TCERG1: variants seen among roughly 807,000 people sequenced by gnomAD.
TCERG1 encodes transcription elongation regulator 1.
In TCERG1, 37 loss-of-function variants were observed where a neutral mutation model predicts 144.7. The ratio of observed to expected loss-of-function variants is 0.26; its 90% CI spans 0.20 to 0.34. The LOEUF (loss-of-function observed/expected upper bound fraction) is 0.34, where lower values mean the gene tolerates loss of function less well. Ranked by LOEUF, TCERG1 falls within the 10% of genes least tolerant of loss-of-function variation. The pLI, the probability that TCERG1 is intolerant of heterozygous loss-of-function variation, is 1.00. For synonymous variants in TCERG1, 492 were observed against 458.2 expected, an observed-to-expected ratio of 1.07 and a Z score of -0.94; for missense variants, 1,027 against 1,380.7, an observed-to-expected ratio of 0.74 and a Z score of 4.06.
rs532946760 is a variant in TCERG1, at chr5:146,453,840, C to G, written c.60-1216C>G. On this transcript the variant is annotated intron_variant, in intron 1 of 22. Coordinates refer to ENST00000679501, the MANE Select transcript of TCERG1 (RefSeq NM_001382548.1). ...TTTTTAATCTGGAGCATTTCCACAA[C>G]ATTTCTTTGTCTTTTATGGATAACA... 8.6e-4 allele frequency among the ~76,000 whole-genome samples: 131 copies of G among 151,722 alleles called. 1 individual carries two copies. The highest frequency in any genetic ancestry group is 3.1e-3 in the African/African-American group (127 of 41,328).
intron 4 of TCERG1, 140 bp downstream of exon 4, chr5:146,459,477 A>C (rs537283707): frequency 7.0e-7 from 1 of 1,435,246 alleles, no homozygotes; most frequent in South Asian, 1.5e-5. Flanking sequence ...TGACACTAAA[A>C]CTTTTGGGTT....
chr5:146,495,297 T>G (rs908463396), intron 16 of TCERG1, among the ~76,000 whole-genome samples: 1 of 152,240 alleles, frequency 6.6e-6, no homozygotes, highest in Non-Finnish European at 1.5e-5. Context: ...ATTGAATGTC[T>G]TGTTGGCACT....
At chr5:146,470,862 T>G (rs1369441262) in intron 8 of TCERG1, 114 bp downstream of exon 8, 3 of 774,748 alleles carry the variant, frequency 3.9e-6, no homozygotes, top group Non-Finnish European at 5.8e-6. Context: ...ATTTGATCTC[T>G]GAAATTTTAG....
intron 9 of TCERG1, among the ~76,000 whole-genome samples, chr5:146,475,249 A>C (rs1200772108): frequency 6.6e-6 from 1 of 152,144 alleles, no homozygotes; most frequent in African/African-American, 2.4e-5. Flanking sequence ...CCATTCCTGA[A>C]TTTCCTACAG....
chr5:146,472,713 G>GTA (rs1477548471), intron 9 of TCERG1, among the ~76,000 whole-genome samples: 1 of 151,450 alleles, frequency 6.6e-6, no homozygotes, highest in Non-Finnish European at 1.5e-5. Context: ...GTGTGTGTGT[G>GTA]TGTGTGTGTG....
chr5:146,466,600 T>TA (rs955227791), intron 5 of TCERG1, among the ~76,000 whole-genome samples: 11 of 150,634 alleles, frequency 7.3e-5, no homozygotes, highest in East Asian at 5.8e-4. Context: ...AAGCTCCCTC[T>TA]AAAAAAAAAG....
rs1320893430 is a variant in TCERG1, at chr5:146,507,141, A to G, written c.2895A>G (p.Glu965=). The G allele has an allele frequency of 6.2e-7, 1 of 1,613,604 alleles. No individual in the cohort carries two copies. Among genetic ancestry groups the G allele is most frequent in the Admixed American group, 1.7e-5 (1 of 59,934 alleles). ...AGGAGAAAGAGAAGCTTTTTAATGA[A>G]CACATTGAAGCACTTACCAAAAAAA... The part of the protein sequence containing the change: ...EREEKEKLFN[E]HIEALTKKKR... The change falls in exon 20 of 23, where the codon GAA becomes GAG. Residue 965 remains glutamate, a synonymous_variant. Coordinates refer to ENST00000679501, the MANE Select transcript of TCERG1 (RefSeq NM_001382548.1). The surrounding 1 kb of genome is among the most constrained non-coding windows in gnomAD (Gnocchi z 4.6).
intron 1 of TCERG1, among the ~76,000 whole-genome samples, chr5:146,454,402 T>C (rs2150204700): frequency 6.6e-6 from 1 of 152,178 alleles, no homozygotes; most frequent in Admixed American, 6.5e-5. Flanking sequence ...CTAATTTCCT[T>C]ATTACGTAGA....
intron 1 of TCERG1, among the ~76,000 whole-genome samples, chr5:146,447,861 C>T (rs1318938380): frequency 6.6e-6 from 1 of 152,274 alleles, no homozygotes; most frequent in Non-Finnish European, 1.5e-5. Flanking sequence ...TCTCCACGCC[C>T]TCCGCGGCTC....
intron 1 of TCERG1, among the ~76,000 whole-genome samples, chr5:146,450,310 T>C (rs150916592): frequency 1.3e-3 from 205 of 152,294 alleles, no homozygotes; most frequent in African/African-American, 4.7e-3. Flanking sequence ...GAGCTAGTTA[T>C]GTGAAAATCT....
At position 146,459,186 on chromosome 5, in the gene TCERG1, C is replaced by T. The variant is rs766972196; in HGVS notation, c.741C>T (p.Val247=). Residue 247 remains valine, a synonymous_variant, in exon 4 of 23, where the codon GTC becomes GTT. Coordinates refer to ENST00000679501, the MANE Select transcript of TCERG1 (RefSeq NM_001382548.1). ...AQAQAQVQAQ[V]QAQVQAQAVG... The stretch of plus-strand genomic sequence containing the variant: ...CCCAGGCTCAGGTCCAGGCCCAGGT[C>T]CAGGCACAAGTGCAAGCACAAGCAG... The T allele has an allele frequency of 1.2e-6, 2 of 1,614,080 alleles. No homozygotes were observed. Among genetic ancestry groups the T allele is most frequent in the South Asian group, 1.1e-5 (1 of 91,086 alleles).
At chr5:146,495,791 G>A (rs1766837827) in intron 16 of TCERG1, among the ~76,000 whole-genome samples, 1 of 152,158 alleles carries the variant, frequency 6.6e-6, no homozygotes, top group Non-Finnish European at 1.5e-5. Context: ...TAACTAAATA[G>A]CTTTTAAGTG....
At chr5:146,488,642 A>T (rs1047387318) in intron 15 of TCERG1, among the ~76,000 whole-genome samples, 2 of 152,204 alleles carry the variant, frequency 1.3e-5, no homozygotes, top group Non-Finnish European at 2.9e-5. Context: ...AAACTAGTAT[A>T]TCCACTATGG....
At chr5:146,503,318 G>T (rs1767652795) in intron 17 of TCERG1, 57 bp from the exon 18 acceptor site, 7 of 1,514,612 alleles carry the variant, frequency 4.6e-6, no homozygotes, top group Middle Eastern at 1.8e-4. Context: ...AAGATATGAT[G>T]AATTTCTCAT....
chr5:146,468,223 G>T, intron 5 of TCERG1, 118 bp from the exon 6 acceptor site: 1 of 790,856 alleles, frequency 1.3e-6, no homozygotes, highest in Non-Finnish European at 1.9e-6. Context: ...TCCATTCTTG[G>T]TCTTTTTCAT....
intron 4 of TCERG1, among the ~76,000 whole-genome samples, chr5:146,462,631 T>A (rs1763434591): frequency 1.3e-5 from 2 of 152,316 alleles, no homozygotes; most frequent in African/African-American, 4.8e-5. Context: ...TTTAAAAAAA[T>A]TTTATTTTTT....
At chr5:146,499,503 T>C (rs966422379) in intron 17 of TCERG1, 1 of 152,222 alleles carries the variant, frequency 6.6e-6, no homozygotes, top group African/African-American at 2.4e-5. Context: ...CTCCTAATTA[T>C]CCGATTTATT....
chr5:146,509,516 C>CT (rs1768291201), intron 22 of TCERG1, among the ~76,000 whole-genome samples: 1 of 142,242 alleles, frequency 7.0e-6, no homozygotes, highest in African/African-American at 2.6e-5. Context: ...TACTTCACCG[C>CT]TTTTTTTAGG....
intron 4 of TCERG1, among the ~76,000 whole-genome samples, chr5:146,460,439 A>T (rs769451117): frequency 2.5e-4 from 35 of 139,200 alleles, no homozygotes; most frequent in Admixed American, 4.4e-4. Context: ...TTTTTATTTG[A>T]TTATTTGTTA....
Sources: gnomAD v4.1 joint callset for allele counts (sites outside exome capture counted in the v4.1 genomes callset) on GRCh38, gnomAD v4.1.1 for gene constraint, Gnocchi (gnomAD v3.1) non-coding constraint, MANE v1.5 for transcripts, NCBI Gene and HGNC (gene_info 2026-07-23, HGNC 2026-07-21) for gene names.